HNF4G: variants seen among roughly 807,000 people sequenced by gnomAD.
HNF4G encodes hepatocyte nuclear factor 4-gamma.
A neutral mutation model predicts 50.9 loss-of-function variants in HNF4G; 21 were observed. That is an observed-to-expected ratio of 0.41 (90% CI 0.29 to 0.59). HNF4G has a LOEUF of 0.59. Ranked by LOEUF, HNF4G falls within the 20% of genes least tolerant of loss-of-function variation. The pLI is 0.26. For missense variants in HNF4G, 527 were observed against 559.4 expected (o/e 0.94, Z 0.58); for synonymous variants, 198 against 185.6 (o/e 1.07, Z -0.54).
At chr8:75,479,031 A>G (rs1464066785) in intron 1 of HNF4G, among the ~76,000 whole-genome samples, 3 of 152,156 alleles carry the variant, frequency 2.0e-5, no homozygotes, top group African/African-American at 7.2e-5. Context: ...GGCAACGCAT[A>G]ATTTTAAAGG....
At chr8:75,475,236 T>C (rs1812215334) in intron 1 of HNF4G, among the ~76,000 whole-genome samples, 1 of 151,870 alleles carries the variant, frequency 6.6e-6, no homozygotes, top group Non-Finnish European at 1.5e-5. Context: ...TCTCAATCTC[T>C]TGACCTCGTG....
At chr8:75,558,775 C>T in intron 7 of HNF4G, 26 bp from the exon 8 acceptor site, 1 of 1,593,536 alleles carries the variant, frequency 6.3e-7, no homozygotes, top group Non-Finnish European at 8.6e-7. Context: ...TAAATCTGTA[C>T]ACTGCCTCTC....
intron 2 of HNF4G, among the ~76,000 whole-genome samples, chr8:75,503,206 C>CTGTGTT (rs1812977776): frequency 6.6e-6 from 1 of 152,058 alleles, no homozygotes; most frequent in Non-Finnish European, 1.5e-5. Context: ...TTAGATAGCC[C>CTGTGTT]TGTGTTTGTG....
rs1229229456 is a variant in HNF4G at position 75,565,504 on chromosome 8, G to A, written c.*1408G>A. The stretch of plus-strand genomic sequence containing the variant: ...ACCAAATGTCGAATTCTAGACTGAG[G>A]AGTAGAGTTCATTGGAGTCTTAAAC... On this transcript the variant is annotated 3_prime_UTR_variant, in exon 10 of 10. Coordinates refer to ENST00000396423, the MANE Select transcript of HNF4G (RefSeq NM_004133.5). 1 of 152,132 alleles carries A rather than the reference G, an allele frequency of 6.6e-6. No individual in the cohort carries two copies. Among genetic ancestry groups the A allele is most frequent in the East Asian group, 1.9e-4 (1 of 5,180 alleles). 9.4% of individuals were successfully genotyped at this position (152,132 alleles called of 1,614,324 possible). A position where few individuals can be genotyped will look rare whatever the true frequency, so the allele number is the denominator to read the frequency against.
rs1402806948 is a variant in HNF4G at position 75,408,039 on chromosome 8, G to A, written c.-267G>A. 2.0e-5 allele frequency: 3 copies of A among 152,288 alleles called. No homozygotes were observed. The East Asian group carries it at 5.8e-4, about 30-fold the overall frequency. 9.4% of individuals were successfully genotyped at this position (152,288 alleles called of 1,614,324 possible). ...CCCCGGCGGCTGCCGGGCAGGAGGA[G>A]CCTCGGTTCCCCTCGGGCGGCTGAA... On this transcript the variant is annotated 5_prime_UTR_variant, in exon 1 of 11. Coordinates refer to the HNF4G transcript ENST00000354370.
At chr8:75,471,039 G>C (rs1290552512) in intron 1 of HNF4G, among the ~76,000 whole-genome samples, 1 of 152,124 alleles carries the variant, frequency 6.6e-6, no homozygotes, top group Non-Finnish European at 1.5e-5. Context: ...GTTCTAGTTT[G>C]TTTGGATGAT....
intron 2 of HNF4G, among the ~76,000 whole-genome samples, chr8:75,500,018 A>C (rs1812884721): frequency 6.6e-6 from 1 of 152,160 alleles, no homozygotes; most frequent in African/African-American, 2.4e-5. Flanking sequence ...CAAAAGAAAA[A>C]ATAAATTAGA....
chr8:75,430,943 T>C (rs1264968393), intron 1 of HNF4G, among the ~76,000 whole-genome samples: 1 of 152,162 alleles, frequency 6.6e-6, no homozygotes, highest in Non-Finnish European at 1.5e-5. Context: ...TAATTACATA[T>C]AATGTTCAAA....
intron 1 of HNF4G, among the ~76,000 whole-genome samples, chr8:75,542,744 G>A (rs1008933412): frequency 2.6e-5 from 4 of 152,036 alleles, no homozygotes; most frequent in African/African-American, 7.2e-5. Flanking sequence ...AATTACTACA[G>A]CAATATCACT....
At chr8:75,455,271 T>C (rs1811693201) in intron 1 of HNF4G, among the ~76,000 whole-genome samples, 1 of 152,190 alleles carries the variant, frequency 6.6e-6, no homozygotes, top group South Asian at 2.1e-4. Context: ...TTTTTGAAAC[T>C]TTTTATAAAT....
chr8:75,443,731 T>C (rs945807728), intron 1 of HNF4G, among the ~76,000 whole-genome samples: 1 of 152,184 alleles, frequency 6.6e-6, no homozygotes, highest in East Asian at 1.9e-4. Flanking sequence ...CACCTATCTA[T>C]ATTGTGTACA....
intron 1 of HNF4G, among the ~76,000 whole-genome samples, chr8:75,480,720 TC>T (rs200410023): frequency 0.23 from 25,650 of 110,104 alleles, 2,931 homozygotes; most frequent in African/African-American, 0.4. Context: ...TCTTTTTCTT[TC>T]TTTTTTTTTT....
intron 1 of HNF4G, among the ~76,000 whole-genome samples, chr8:75,542,955 G>A (rs918596479): frequency 3.9e-5 from 6 of 152,070 alleles, no homozygotes; most frequent in African/African-American, 1.2e-4. Flanking sequence ...GGGATTATAG[G>A]TGGGCAGACC....
At chr8:75,422,560 C>T (rs890414704) in intron 1 of HNF4G, among the ~76,000 whole-genome samples, 1 of 151,846 alleles carries the variant, frequency 6.6e-6, no homozygotes, top group Non-Finnish European at 1.5e-5. Context: ...TAAATAAAGG[C>T]TAAATTTAGG....
intron 2 of HNF4G, among the ~76,000 whole-genome samples, chr8:75,509,955 A>G (rs1805703519): frequency 6.6e-6 from 1 of 152,206 alleles, no homozygotes; most frequent in Non-Finnish European, 1.5e-5. Flanking sequence ...TACTTATTAA[A>G]GAAAAATTAC....
At chr8:75,544,703 C>T (rs57038932) in intron 2 of HNF4G, among the ~76,000 whole-genome samples, 7,190 of 151,192 alleles carry the variant, frequency 0.048, 210 homozygotes, top group Middle Eastern at 0.068. Context: ...TTTAAGTATA[C>T]ATATTGCATC....
intron 2 of HNF4G, among the ~76,000 whole-genome samples, chr8:75,501,211 G>T (rs34249674): frequency 6.6e-6 from 1 of 152,066 alleles, no homozygotes; most frequent in Non-Finnish European, 1.5e-5. Context: ...AGGCCAATGT[G>T]GGGGGATCAC....
intron 1 of HNF4G, among the ~76,000 whole-genome samples, chr8:75,472,314 A>G (rs1217557340): frequency 6.6e-6 from 1 of 152,106 alleles, no homozygotes; most frequent in African/African-American, 2.4e-5. Flanking sequence ...GAGGCAGGAG[A>G]TGGGGATTCA....
chr8:75,417,943 A>T (rs767099825), intron 1 of HNF4G, among the ~76,000 whole-genome samples: 17 of 149,618 alleles, frequency 1.1e-4, no homozygotes, highest in Admixed American at 2.0e-4. Flanking sequence ...TTAGTTAATT[A>T]TAAATGTGTG....
Sources: gnomAD v4.1 joint callset for allele counts (sites outside exome capture counted in the v4.1 genomes callset) on GRCh38, gnomAD v4.1.1 for gene constraint, MANE v1.5 for transcripts, NCBI Gene and HGNC (gene_info 2026-07-23, HGNC 2026-07-21) for gene names.